MITF: variants seen among roughly 807,000 people sequenced by gnomAD.
MITF encodes the protein microphthalmia-associated transcription factor.
A neutral mutation model predicts 60.5 loss-of-function variants in MITF; 17 were observed. The observed-to-expected ratio is 0.28, with a 90% CI of 0.19 to 0.42. The LOEUF (loss-of-function observed/expected upper bound fraction) is 0.42, where lower values mean the gene tolerates loss of function less well. Among genes scored for constraint, MITF ranks in the 10% least tolerant of loss-of-function variants. The pLI is 1.00. For missense variants in MITF, 622 were observed against 683.5 expected (o/e 0.91, Z 1.00); for synonymous variants, 260 against 248.5 (o/e 1.05, Z -0.43).
intron 2 of MITF, among the ~76,000 whole-genome samples, chr3:69,908,334 A>G (rs2065146164): frequency 6.6e-6 from 1 of 152,126 alleles, no homozygotes; most frequent in African/African-American, 2.4e-5. Context: ...CTATTGAAAT[A>G]AAAAGACAAA....
chr3:69,814,234 A>G (rs555907832), intron 1 of MITF, among the ~76,000 whole-genome samples: 1 of 152,320 alleles, frequency 6.6e-6, no homozygotes, highest in African/African-American at 2.4e-5. Flanking sequence ...AAATGTAATG[A>G]GTTCACAGTG....
At chr3:69,765,162 G>T (rs1201458717) in intron 1 of MITF, among the ~76,000 whole-genome samples, 1 of 152,108 alleles carries the variant, frequency 6.6e-6, no homozygotes, top group Admixed American at 6.5e-5. Flanking sequence ...TGCTTATTTT[G>T]TGTATTTAGA....
At position 69,951,986 on chromosome 3, in the gene MITF, G is replaced by C; in HGVS notation, c.955+100G>C. The stretch of plus-strand genomic sequence containing the variant: ...CTGTAGAGGAGAGTTGATTCCTACA[G>C]CTGTTAAAATTCTCTCTTATGGAAG... On this transcript the variant is annotated intron_variant, in intron 7 of 9. Coordinates refer to ENST00000352241, the MANE Select transcript of MITF (RefSeq NM_001354604.2). 3 of 878,060 alleles carry C rather than the reference G, an allele frequency of 3.4e-6. No homozygotes were observed. In the South Asian group the frequency reaches 4.3e-5, roughly 13 times the overall value. The allele number at this position is 878,060 out of a possible 1,614,324, so 54.4% of individuals were successfully genotyped here.
intron 2 of MITF, among the ~76,000 whole-genome samples, chr3:69,882,480 T>C (rs542566321): frequency 2.5e-4 from 38 of 152,234 alleles, no homozygotes; most frequent in Middle Eastern, 3.4e-3. Context: ...TCTTTTACCA[T>C]AAATTAACCA....
chr3:69,751,924 G>C (rs1703954259), intron 1 of MITF: 1 of 152,118 alleles, frequency 6.6e-6, no homozygotes, highest in Admixed American at 6.5e-5. Flanking sequence ...TAGTGAGTGA[G>C]TCCTCATGAG....
At chr3:69,916,392 A>C (rs2107408777) in intron 2 of MITF, among the ~76,000 whole-genome samples, 1 of 152,322 alleles carries the variant, frequency 6.6e-6, no homozygotes, top group South Asian at 2.1e-4. Flanking sequence ...TTCAGAACCC[A>C]GAAGGAAATC....
intron 1 of MITF, among the ~76,000 whole-genome samples, chr3:69,844,832 C>G (rs978700232): frequency 6.6e-6 from 1 of 151,914 alleles, no homozygotes; most frequent in East Asian, 1.9e-4. Context: ...CAATTTCACA[C>G]AAGTGTGTTT....
chr3:69,852,780 G>A (rs2063847470), intron 1 of MITF, among the ~76,000 whole-genome samples: 1 of 152,176 alleles, frequency 6.6e-6, no homozygotes, highest in Admixed American at 6.5e-5. Context: ...TTCAGGAGCA[G>A]CATCTGAGTG....
chr3:69,873,121 G>A (rs1056030404), intron 1 of MITF, among the ~76,000 whole-genome samples: 4 of 152,300 alleles, frequency 2.6e-5, no homozygotes, highest in Admixed American at 2.0e-4. Context: ...CCCAAGTTAG[G>A]TGTTGACAGA....
At chr3:69,910,170 T>C (rs1193488083) in intron 2 of MITF, among the ~76,000 whole-genome samples, 2 of 152,236 alleles carry the variant, frequency 1.3e-5, no homozygotes, top group Admixed American at 1.3e-4. Flanking sequence ...GCTTGGGCTA[T>C]GGCTTCAGAG....
At chr3:69,743,657 G>C (rs9874576) in intron 1 of MITF, among the ~76,000 whole-genome samples, 1 of 152,284 alleles carries the variant, frequency 6.6e-6, no homozygotes, top group Non-Finnish European at 1.5e-5. Context: ...CGTTTCCTCC[G>C]ACAAGGTTTT....
At chr3:69,875,500 A>G (rs2064333230) in intron 1 of MITF, among the ~76,000 whole-genome samples, 1 of 152,228 alleles carries the variant, frequency 6.6e-6, no homozygotes, top group African/African-American at 2.4e-5. Context: ...ACATAATCTG[A>G]TTAAAAGGAA....
intron 9 of MITF, among the ~76,000 whole-genome samples, chr3:69,963,339 C>A (rs1052663545): frequency 6.6e-6 from 1 of 152,170 alleles, no homozygotes; most frequent in African/African-American, 2.4e-5. Flanking sequence ...TAGTTACTGG[C>A]ATAGAACTTT....
At chr3:69,801,962 C>T (rs779681603) in intron 1 of MITF, among the ~76,000 whole-genome samples, 2 of 152,030 alleles carry the variant, frequency 1.3e-5, no homozygotes, top group Admixed American at 6.6e-5. Context: ...GTAATAGGCC[C>T]TCAATAAACA....
chr3:69,883,903 G>A lies in MITF; in HGVS notation c.354+4520G>A, dbSNP rs993529695. On this transcript the variant is annotated intron_variant, in intron 2 of 9. Coordinates refer to ENST00000352241, the MANE Select transcript of MITF (RefSeq NM_001354604.2). ...AAACAACCTGTCAGCCTTGATTTCA[G>A]GGATCATTTATAAACATTGTTGTCC... Among the ~76,000 whole-genome samples, 6 of 152,076 alleles carry A rather than the reference G, an allele frequency of 3.9e-5. No homozygotes were observed. The South Asian group carries it at 1.2e-3, about 32-fold the overall frequency.
intron 2 of MITF, among the ~76,000 whole-genome samples, chr3:69,931,865 G>A (rs1486970373): frequency 1.3e-5 from 2 of 152,144 alleles, no homozygotes; most frequent in African/African-American, 2.4e-5. Flanking sequence ...TCGCCTCTGC[G>A]GACAGAATAA....
intron 5 of MITF, among the ~76,000 whole-genome samples, chr3:69,947,790 A>T (rs1001290409): frequency 5.3e-5 from 8 of 152,086 alleles, no homozygotes. Context: ...CTCCCACCCA[A>T]ATCTCTTTAG....
intron 1 of MITF, among the ~76,000 whole-genome samples, chr3:69,816,537 A>G (rs1292445919): frequency 6.6e-6 from 1 of 152,158 alleles, no homozygotes; most frequent in Non-Finnish European, 1.5e-5. Flanking sequence ...GCTGCTTTTC[A>G]TGGCTGAAGT....
chr3:69,847,260 G>T (rs2063748027), intron 1 of MITF, among the ~76,000 whole-genome samples: 1 of 152,134 alleles, frequency 6.6e-6, no homozygotes, highest in Non-Finnish European at 1.5e-5. Context: ...TACATATTTG[G>T]TAAAGAGTGA....
Sources: allele counts gnomAD v4.1 joint callset (sites outside exome capture counted in the v4.1 genomes callset), GRCh38; gene constraint gnomAD v4.1.1; transcripts MANE v1.5; gene names NCBI Gene and HGNC (gene_info 2026-07-23, HGNC 2026-07-21).